Variants in RP1 observed in about 807,000 individuals in gnomAD.
RP1 encodes the protein RP1 axonemal microtubule associated.
In RP1, 16 loss-of-function variants were observed where a neutral mutation model predicts 14.8. The observed-to-expected ratio is 1.08, with a 90% CI of 0.73 to 1.65. The LOEUF is 1.65. RP1 is among the 40% of genes most tolerant of loss of function. The pLI, the probability that RP1 is intolerant of heterozygous loss-of-function variation, is 0.00. For synonymous variants in RP1, 876 were observed against 883.6 expected (o/e 0.99, Z 0.15); for missense variants, 2,631 against 2,535.0 (o/e 1.04, Z -0.81).
intron 14 of RP1, among the ~76,000 whole-genome samples, chr8:54,705,140 C>T (rs1808119378): frequency 6.6e-6 from 1 of 152,160 alleles, no homozygotes; most frequent in Admixed American, 6.5e-5. Flanking sequence ...TCACTTCTGA[C>T]ATCAACCACA....
At chr8:54,859,245 A>G (rs4737746) in intron 27 of RP1, among the ~76,000 whole-genome samples, 111,287 of 151,242 alleles carry the variant, frequency 0.74, 40,934 homozygotes, top group South Asian at 0.87. Flanking sequence ...TGTCACTGTA[A>G]GGTGGTGTCA....
At chr8:54,820,716 T>C (rs1811235704) in intron 24 of RP1, among the ~76,000 whole-genome samples, 1 of 152,186 alleles carries the variant, frequency 6.6e-6, no homozygotes, top group African/African-American at 2.4e-5. Context: ...TTCCCTGATA[T>C]GATCTTAAAA....
exon 27 of RP1, chr8:54,857,037 T>C: frequency 1.7e-6 from 2 of 1,174,040 alleles, no homozygotes; most frequent in African/African-American, 3.2e-5. Flanking sequence ...GGTTGATATT[T>C]TTTCCATTAA....
At chr8:54,753,979 G>C (rs1040634621) in intron 19 of RP1, among the ~76,000 whole-genome samples, 1 of 152,174 alleles carries the variant, frequency 6.6e-6, no homozygotes, top group East Asian at 1.9e-4. Flanking sequence ...AAAAGGATGA[G>C]GACATTTTTA....
intron 24 of RP1, among the ~76,000 whole-genome samples, chr8:54,836,177 G>C (rs1290329639): frequency 6.6e-6 from 1 of 152,190 alleles, no homozygotes; most frequent in Non-Finnish European, 1.5e-5. Context: ...TAATTTCTGT[G>C]ATGATGAGAC....
chr8:54,843,108 G>T (rs1437428515), intron 25 of RP1, among the ~76,000 whole-genome samples: 1 of 152,124 alleles, frequency 6.6e-6, no homozygotes, highest in African/African-American at 2.4e-5. Context: ...GTGCTGTGGT[G>T]CAATTTCAGC....
intron 1 of RP1, among the ~76,000 whole-genome samples, chr8:54,601,006 C>G (rs888070717): frequency 2.0e-5 from 3 of 152,222 alleles, no homozygotes; most frequent in African/African-American, 7.2e-5. Context: ...CCGGGGTTTT[C>G]GGTTGTACTT....
intron 24 of RP1, among the ~76,000 whole-genome samples, chr8:54,803,025 C>T (rs1221881079): frequency 1.3e-5 from 2 of 151,870 alleles, no homozygotes; most frequent in Non-Finnish European, 2.9e-5. Context: ...TCCTATGCAT[C>T]TTTGTGCTTC....
At position 54,693,393 on chromosome 8, in the gene RP1, A is replaced by G. The variant is rs185080906; in HGVS notation, c.1718-6074A>G. On this transcript the variant is annotated intron_variant, in intron 12 of 22. Transcript: ENST00000636932. ...GCTTGATGGGGATGGCCTTGAATCTATAAAATACCTTGGACAGTATGGCCA... is the reference window on the plus strand; with the variant it reads ...GCTTGATGGGGATGGCCTTGAATCTGTAAAATACCTTGGACAGTATGGCCA... 4.1e-4 allele frequency among the ~76,000 whole-genome samples: 63 copies of G among 152,296 alleles called. No individual in the cohort carries two copies. The South Asian group carries it at 6.2e-3, about 15-fold the overall frequency.
At chr8:54,827,609 C>T (rs963844813) in intron 24 of RP1, among the ~76,000 whole-genome samples, 1 of 152,094 alleles carries the variant, frequency 6.6e-6, no homozygotes, top group Admixed American at 6.6e-5. Flanking sequence ...GGATTACAGG[C>T]GTGAGCCACT....
intron 1 of RP1, among the ~76,000 whole-genome samples, chr8:54,585,599 C>G (rs1328927671): frequency 6.6e-6 from 1 of 152,214 alleles, no homozygotes; most frequent in Non-Finnish European, 1.5e-5. Context: ...TGTTTTCCAA[C>G]TTGGTTGCGT....
At chr8:54,582,221 G>T (rs1156951457) in intron 1 of RP1, among the ~76,000 whole-genome samples, 1 of 151,848 alleles carries the variant, frequency 6.6e-6, no homozygotes, top group South Asian at 2.1e-4. Context: ...TTCTACATAT[G>T]GCTAGCCAGT....
chr8:54,764,121 G>T (rs1809708041), intron 22 of RP1, among the ~76,000 whole-genome samples: 1 of 152,178 alleles, frequency 6.6e-6, no homozygotes, highest in African/African-American at 2.4e-5. Context: ...AGAGTCTGTT[G>T]TTCCACCGAA....
intron 18 of RP1, among the ~76,000 whole-genome samples, chr8:54,736,638 T>C (rs1808930797): frequency 6.6e-6 from 1 of 152,214 alleles, no homozygotes; most frequent in African/African-American, 2.4e-5. Context: ...CTCTGTCATT[T>C]ACTGTGAAGT....
chr8:54,852,791 AAC>A (rs797004519), intron 26 of RP1: 33 of 1,158,060 alleles, frequency 2.8e-5, no homozygotes, highest in African/African-American at 9.5e-5. Context: ...ATTTAACAAA[AAC>A]ACACACAAAC....
At position 54,747,665 on chromosome 8, in the gene RP1, C is replaced by A. The variant is rs946471806; in HGVS notation, c.2809-7138C>A. Among the ~76,000 whole-genome samples the A allele has an allele frequency of 2.6e-5, 4 of 152,324 alleles. No individual in the cohort carries two copies. In the East Asian group the frequency reaches 7.7e-4, roughly 29 times the overall value. On this transcript the variant is annotated intron_variant, in intron 19 of 22. Transcript: ENST00000636932. ...CCTGTAATCCCAGCACTTTGGGAGC[C>A]CAAGGCCAGAGGATCTCTTGAGCCC...
chr8:54,615,179 C>T (rs1259218414), upstream of RP1, among the ~76,000 whole-genome samples: 7 of 152,164 alleles, frequency 4.6e-5, no homozygotes, highest in Non-Finnish European at 8.8e-5. Context: ...CTCTTTCTCC[C>T]CATCCCTCCC....
At chr8:54,704,852 A>G (rs916067673) in intron 14 of RP1, among the ~76,000 whole-genome samples, 2 of 151,804 alleles carry the variant, frequency 1.3e-5, no homozygotes, top group African/African-American at 2.4e-5. Flanking sequence ...GTATACACAC[A>G]CACACATATG....
intron 3 of RP1, among the ~76,000 whole-genome samples, chr8:54,638,472 T>C (rs1806394919): frequency 6.6e-6 from 1 of 152,012 alleles, no homozygotes; most frequent in Admixed American, 6.6e-5. Flanking sequence ...TATTCTCATG[T>C]TTAATGGATA....
Sources: allele counts gnomAD v4.1 joint callset (sites outside exome capture counted in the v4.1 genomes callset), GRCh38; gene constraint gnomAD v4.1.1; transcripts MANE v1.5; gene names NCBI Gene and HGNC (gene_info 2026-07-23, HGNC 2026-07-21).